Variants in ACAN observed in about 807,000 individuals in gnomAD.
ACAN encodes the protein aggrecan.
A neutral mutation model predicts 169.1 loss-of-function variants in ACAN; 47 were observed. The ratio of observed to expected loss-of-function variants is 0.28; its 90% confidence interval spans 0.22 to 0.35. The LOEUF is 0.35. Ranked by LOEUF, ACAN falls within the 10% of genes least tolerant of loss-of-function variation. ACAN has a pLI of 1.00. For synonymous variants in ACAN, 1,115 were observed against 1,112.2 expected (o/e 1.00, Z -0.05); for missense variants, 2,716 against 2,759.9 (o/e 0.98, Z 0.36).
chr15:88,852,489 C>T (rs1458634517), intron 11 of ACAN, among the ~76,000 whole-genome samples: 1 of 152,180 alleles, frequency 6.6e-6, no homozygotes, highest in Non-Finnish European at 1.5e-5. Flanking sequence ...TTCCATTTCC[C>T]TCTTCTGGGC....
At chr15:88,862,163 G>T (rs1897207043) in intron 13 of ACAN, among the ~76,000 whole-genome samples, 1 of 152,208 alleles carries the variant, frequency 6.6e-6, no homozygotes, top group Non-Finnish European at 1.5e-5. Context: ...GAGCCAGAAT[G>T]GGGAGGAGCT....
At position 88,843,817 on chromosome 15, in the gene ACAN, G is replaced by A. The variant is rs1811244338; in HGVS notation, c.1051+169G>A. ...CTCCATTTTCACTGGTTCCTAGGAA[G>A]CCCTAAGGTAGAGACTCTTGAGACT... On this transcript the variant is annotated intron_variant, in intron 6 of 18. Transcript: ENST00000560601. This position sits in a 1 kb window ranked among gnomAD's most constrained non-coding sequence, Gnocchi z 4.0. Among the ~76,000 whole-genome samples the A allele has an allele frequency of 6.6e-6, 1 of 152,198 alleles. No individual in the cohort carries two copies. Among genetic ancestry groups the A allele is most frequent in the African/African-American group, 2.4e-5 (1 of 41,456 alleles).
chr15:88,830,358 C>T (rs28473714), intron 1 of ACAN, among the ~76,000 whole-genome samples: 10,505 of 152,220 alleles, frequency 0.069, 766 homozygotes, highest in African/African-American at 0.17. Flanking sequence ...CTGAGAAATG[C>T]ATTCTTAGGC....
At chr15:88,817,849 G>GA (rs10710630) in intron 1 of ACAN, among the ~76,000 whole-genome samples, 3,107 of 73,352 alleles carry the variant, frequency 0.042, 146 homozygotes, top group African/African-American at 0.15. Context: ...GTGAGACTCT[G>GA]AAAAAAAAAA....
Position 88,874,102 on chromosome 15 carries a change from G to A in ACAN, c.7630+78G>A, listed in dbSNP as rs1897452978. 1 of 1,560,180 alleles carries A rather than the reference G, an allele frequency of 6.4e-7. No individual in the cohort carries two copies. The highest frequency in any genetic ancestry group is 2.3e-5 in the East Asian group (1 of 43,620). ...CAGCCTTCCCCCCGTCCCCTCTCCT[G>A]GGGACCCTACACCGTCCACAGGGTT... On this transcript the variant is annotated intron_variant, in intron 18 of 18. Coordinates refer to ENST00000560601, the MANE Select transcript of ACAN (RefSeq NM_001369268.1). The surrounding 1 kb of genome is among the most constrained non-coding windows in gnomAD (Gnocchi z 7.3).
intron 1 of ACAN, among the ~76,000 whole-genome samples, chr15:88,812,553 C>T (rs2141494672): frequency 6.6e-6 from 1 of 152,272 alleles, no homozygotes; most frequent in East Asian, 1.9e-4. Context: ...AGCCCCTGGC[C>T]TCTCACTTCC....
Position 88,851,648 on chromosome 15 carries a change from TA to T in ACAN, c.2027-144del. 1 of 930,270 alleles carries T rather than the reference TA, an allele frequency of 1.1e-6. No individual in the cohort carries two copies. Among genetic ancestry groups the T allele is most frequent in the Non-Finnish European group, 1.6e-6 (1 of 635,916 alleles). 57.6% of individuals were successfully genotyped at this position (930,270 alleles called of 1,614,324 possible). A position where few individuals can be genotyped will look rare whatever the true frequency, so the allele number is the denominator to read the frequency against. ...TATCATTGGTGCCGATGGCTCTTAC[TA>T]AGCGAGAAGGCAAACAGCCATCTGC... On this transcript the variant is annotated intron_variant, in intron 10 of 18. Coordinates refer to ENST00000560601, the MANE Select transcript of ACAN (RefSeq NM_001369268.1). This position sits in a 1 kb window ranked among gnomAD's most constrained non-coding sequence, Gnocchi z 4.3.
chr15:88,823,898 G>A (rs890673963), intron 1 of ACAN, among the ~76,000 whole-genome samples: 1 of 152,152 alleles, frequency 6.6e-6, no homozygotes, highest in African/African-American at 2.4e-5. Flanking sequence ...CATGGGCCGT[G>A]TGTGCACTCC....
At chr15:88,831,085 G>A (rs865828159) in intron 1 of ACAN, among the ~76,000 whole-genome samples, 9 of 152,222 alleles carry the variant, frequency 5.9e-5, no homozygotes, top group South Asian at 4.1e-4. Flanking sequence ...CGTTGATAGT[G>A]TCTGCTGATA....
chr15:88,854,505 C>G (rs535258723), intron 11 of ACAN, among the ~76,000 whole-genome samples: 1 of 152,326 alleles, frequency 6.6e-6, no homozygotes, highest in African/African-American at 2.4e-5. Context: ...GCCCCCACAT[C>G]CAGTGGGTTG....
At chr15:88,805,372 C>T (rs1332610810) in intron 1 of ACAN, among the ~76,000 whole-genome samples, 1 of 152,032 alleles carries the variant, frequency 6.6e-6, no homozygotes, top group Non-Finnish European at 1.5e-5. Context: ...GAGGTTCTAA[C>T]CTGAAAGAAA....
intron 2 of ACAN, among the ~76,000 whole-genome samples, chr15:88,837,935 C>T (rs113439399): frequency 6.9e-6 from 1 of 145,838 alleles, no homozygotes; most frequent in Non-Finnish European, 1.5e-5. Flanking sequence ...TTTTTTTCCC[C>T]ATTCCCAGCA....
chr15:88,837,033 T>C (rs1896521728), intron 2 of ACAN, among the ~76,000 whole-genome samples: 5 of 152,232 alleles, frequency 3.3e-5, no homozygotes, highest in African/African-American at 1.2e-4. Flanking sequence ...GAGCACATTC[T>C]GGGGTCCCAG....
In ACAN at chr15:88,857,310, T is replaced by C. The variant is rs1897077683; in HGVS notation, c.4725T>C (p.Gly1575=). ...DLSGLPSGRE[G]LETSASGAED... is the part of the protein sequence containing the mutation. ...GTGGGCTTCCTTCTGGAAGGGAGGGTCTAGAGACTTCAGCTTCTGGAGCTG... is the reference window on the plus strand; with the variant it reads ...GTGGGCTTCCTTCTGGAAGGGAGGGCCTAGAGACTTCAGCTTCTGGAGCTG... Residue 1575 remains glycine (G), a synonymous_variant, in exon 12 of 19, where the codon GGT becomes GGC. Coordinates refer to ENST00000560601, the MANE Select transcript of ACAN (RefSeq NM_001369268.1). 2 of 1,613,504 alleles carry C rather than the reference T, an allele frequency of 1.2e-6. No individual in the cohort carries two copies. The highest frequency in any genetic ancestry group is 1.7e-5 in the Admixed American group (1 of 59,978).
rs372104051 is a variant in ACAN at position 88,845,545 on chromosome 15, G to C, written c.1092G>C (p.Val364=). Reference sequence around the variant, plus strand: ...ACATCCCAGAAAACTTCTTTGGAGTGGGGGGTGAGGAGGACATCACCGTCC... The same window carrying C: ...ACATCCCAGAAAACTTCTTTGGAGTCGGGGGTGAGGAGGACATCACCGTCC... The part of the protein sequence containing the change: ...FVDIPENFFG[V]GGEEDITVQT... Residue 364 remains valine (V), a synonymous_variant, in exon 7 of 19, where the codon GTG becomes GTC. Transcript: ENST00000560601. The C allele has an allele frequency of 2.9e-5, 47 of 1,612,634 alleles. No individual in the cohort carries two copies. The highest frequency in any genetic ancestry group is 1.6e-4 in the Middle Eastern group (1 of 6,078).
rs1040066077 is a variant in ACAN, at chr15:88,843,977, C to T, written c.1051+329C>T. ...CTGGCAAAGTCAAGGCTGTGAACCT[C>T]ACTCTTCTCATCTGTCTAGTGAGGA... On this transcript the variant is annotated intron_variant, in intron 6 of 18. Coordinates refer to ENST00000560601, the MANE Select transcript of ACAN (RefSeq NM_001369268.1). This position sits in a 1 kb window ranked among gnomAD's most constrained non-coding sequence, Gnocchi z 4.0. 3.9e-5 allele frequency among the ~76,000 whole-genome samples: 6 copies of T among 152,196 alleles called. No homozygotes were observed. The highest frequency in any genetic ancestry group is 1.4e-4 in the African/African-American group (6 of 41,452).
intron 2 of ACAN, 137 bp downstream of exon 2, chr15:88,836,413 C>A: frequency 1.3e-6 from 1 of 776,748 alleles, no homozygotes; most frequent in Non-Finnish European, 2.2e-6. Context: ...CCCCACCCTT[C>A]CCCTGTTGAT....
chr15:88,833,556 A>T (rs971380993), intron 1 of ACAN, among the ~76,000 whole-genome samples: 1 of 152,136 alleles, frequency 6.6e-6, no homozygotes, highest in Non-Finnish European at 1.5e-5. Flanking sequence ...TGAGTCCTGG[A>T]GACACTTGGA....
Position 88,872,024 on chromosome 15 carries a change from G to A in ACAN, c.7241G>A (p.Trp2414Ter), listed in dbSNP as rs867476949. 6.2e-7 allele frequency: 1 copy of A among 1,613,974 alleles called. No homozygotes were observed. Among genetic ancestry groups the A allele is most frequent in the African/African-American group, 1.3e-5 (1 of 75,056 alleles). Residue 2414 changes from tryptophan to a stop codon, truncating the protein, a stop_gained, in exon 16 of 19, where the codon TGG (tryptophan) becomes TAG (stop). Coordinates refer to ENST00000560601, the MANE Select transcript of ACAN (RefSeq NM_001369268.1). LOFTEE classifies it high-confidence loss of function. This position sits in a 1 kb window ranked among gnomAD's most constrained non-coding sequence, Gnocchi z 5.4. Reference sequence around the variant, plus strand: ...CCAGACAATGCCCAAGACTACCAGTGGATCGGCCTGAACGACAGGACCATC... The same window carrying A: ...CCAGACAATGCCCAAGACTACCAGTAGATCGGCCTGAACGACAGGACCATC... ...FVNNNAQDYQ[W>*]IGLNDRTIEG...
Sources: gnomAD v4.1 joint callset for allele counts (sites outside exome capture counted in the v4.1 genomes callset) on GRCh38, gnomAD v4.1.1 for gene constraint, Gnocchi (gnomAD v3.1) non-coding constraint, MANE v1.5 for transcripts, NCBI Gene and HGNC (gene_info 2026-07-23, HGNC 2026-07-21) for gene names.